Variants in FSTL4 observed in about 807,000 individuals in gnomAD.
FSTL4 encodes follistatin like 4.
In FSTL4, 28 loss-of-function variants were observed where a neutral mutation model predicts 78.2. The observed-to-expected ratio is 0.36, with a 90% confidence interval of 0.27 to 0.49. The LOEUF (loss-of-function observed/expected upper bound fraction) is 0.49. Ranked by LOEUF, FSTL4 falls within the 20% of genes least tolerant of loss-of-function variation. FSTL4 has a pLI of 0.98. For missense variants in FSTL4, 922 were observed against 1,084.9 expected, an observed-to-expected ratio of 0.85 and a Z score of 2.11; for synonymous variants, 422 against 440.5, an observed-to-expected ratio of 0.96 and a Z score of 0.53.
chr5:133,318,047 A>G (rs143038148), intron 4 of FSTL4, among the ~76,000 whole-genome samples: 1,614 of 151,940 alleles, frequency 0.011, 14 homozygotes, highest in Admixed American at 0.027. Context: ...GTATTTCCAG[A>G]TTTTCTTCCA....
chr5:133,295,822 G>A (rs1279021328), intron 6 of FSTL4, among the ~76,000 whole-genome samples: 1 of 151,976 alleles, frequency 6.6e-6, no homozygotes, highest in East Asian at 1.9e-4. Context: ...TTCTCTTTTG[G>A]GGCTCCCACT....
intron 3 of FSTL4, among the ~76,000 whole-genome samples, chr5:133,510,923 A>G (rs1244492006): frequency 6.6e-6 from 1 of 152,144 alleles, no homozygotes; most frequent in Admixed American, 6.5e-5. Flanking sequence ...CTCTCGCTCA[A>G]AAAGGGTTTC....
chr5:133,408,393 A>G (rs1756408791), intron 3 of FSTL4, among the ~76,000 whole-genome samples: 1 of 152,154 alleles, frequency 6.6e-6, no homozygotes, highest in African/African-American at 2.4e-5. Context: ...AAAAGACCCC[A>G]GAAAGGCAGG....
At chr5:133,452,492 T>C (rs1018370677) in intron 3 of FSTL4, among the ~76,000 whole-genome samples, 1 of 152,250 alleles carries the variant, frequency 6.6e-6, no homozygotes, top group Non-Finnish European at 1.5e-5. Flanking sequence ...AAATGGAAAT[T>C]CCTCCAGAAA....
At chr5:133,822,996 G>A in the FSTL4 span, among the ~76,000 whole-genome samples, 1 of 152,168 alleles carries the variant, frequency 6.6e-6, no homozygotes, top group Non-Finnish European at 1.5e-5. Context: ...GGGGCAGGAG[G>A]TGGGGTTGGG....
chr5:133,388,946 C>T (rs1755773031), intron 4 of FSTL4, among the ~76,000 whole-genome samples: 1 of 151,916 alleles, frequency 6.6e-6, no homozygotes, highest in South Asian at 2.1e-4. Flanking sequence ...TTAATCTTTC[C>T]TTTGACTGCT....
the FSTL4 span, among the ~76,000 whole-genome samples, chr5:133,728,629 G>C: frequency 6.6e-4 from 100 of 152,330 alleles, no homozygotes; most frequent in East Asian, 0.018. Context: ...ACTGGAATCA[G>C]CCTGCATGAA....
intron 1 of FSTL4, among the ~76,000 whole-genome samples, chr5:133,607,340 T>C (rs928946528): frequency 5.9e-5 from 9 of 152,250 alleles, no homozygotes; most frequent in African/African-American, 2.2e-4. Context: ...ATCTGTCTAA[T>C]AATCAAATAG....
In FSTL4 at chr5:133,199,393, G is replaced by T. The variant is rs930389211; in HGVS notation, c.2231C>A (p.Thr744Asn). 6.2e-7 allele frequency: 1 copy of T among 1,614,214 alleles called. No individual in the cohort carries two copies. The highest frequency in any genetic ancestry group is 8.5e-7 in the Non-Finnish European group (1 of 1,180,044). Residue 744 changes from threonine to asparagine, a missense_variant, in exon 16 of 16, where the codon ACT becomes AAT. By Grantham distance (65) the Thr-to-Asn change is moderately conservative. Transcript: ENST00000265342. The surrounding 1 kb of genome is among the most constrained non-coding windows in gnomAD (Gnocchi z 4.4). ...ISDLAFQRSF[T>N]ESNQYNIYAA... ...GTAGATGTTGTATTGATTGCTTTCA[G>T]TGAAGGAGCGCTGGAAGGCCAAGTC...
At chr5:133,559,964 G>A (rs1266064468) in intron 3 of FSTL4, among the ~76,000 whole-genome samples, 1 of 152,190 alleles carries the variant, frequency 6.6e-6, no homozygotes, top group Non-Finnish European at 1.5e-5. Context: ...TCTGACCTTT[G>A]TGAGAAACGG....
the FSTL4 span, among the ~76,000 whole-genome samples, chr5:133,799,797 AT>A: frequency 7.2e-6 from 1 of 139,048 alleles, no homozygotes; most frequent in Admixed American, 7.4e-5. Flanking sequence ...GCACCACACT[AT>A]TTATCCTCCT....
the FSTL4 span, among the ~76,000 whole-genome samples, chr5:133,801,795 A>G: frequency 6.6e-6 from 1 of 152,366 alleles, no homozygotes; most frequent in African/African-American, 2.4e-5. Context: ...TGAGGGCTCT[A>G]GTGGGACAGA....
chr5:133,255,571 ACTCTGGT>A (rs1364282695), intron 6 of FSTL4, among the ~76,000 whole-genome samples: 3 of 152,174 alleles, frequency 2.0e-5, no homozygotes, highest in African/African-American at 4.8e-5. Flanking sequence ...GCTGTCTGGC[ACTCTGGT>A]GCCTAGCACA....
chr5:133,570,082 G>A (rs916535491), intron 2 of FSTL4, among the ~76,000 whole-genome samples: 34 of 151,492 alleles, frequency 2.2e-4, no homozygotes, highest in Non-Finnish European at 1.3e-4. Context: ...GGTGGTGGGC[G>A]CCTGTAGTCC....
At chr5:133,277,124 C>T (rs1390223421) in intron 6 of FSTL4, among the ~76,000 whole-genome samples, 1 of 152,056 alleles carries the variant, frequency 6.6e-6, no homozygotes, top group African/African-American at 2.4e-5. Context: ...TCAGCCTGGC[C>T]AACATGGTGA....
In FSTL4 at chr5:133,225,919, A is replaced by G; in HGVS notation, c.1016-100T>C. 1.2e-6 allele frequency: 1 copy of G among 837,460 alleles called. No individual in the cohort carries two copies. The highest frequency in any genetic ancestry group is 3.8e-4 in the Middle Eastern group (1 of 2,626). The allele number at this position is 837,460 out of a possible 1,614,324, so 51.9% of individuals were successfully genotyped here. On this transcript the variant is annotated intron_variant, in intron 8 of 15. Transcript: ENST00000265342. This position sits in a 1 kb window ranked among gnomAD's most constrained non-coding sequence, Gnocchi z 4.6. ...CCCTGCTCCAGAGGGGGTGAACCCA[A>G]GTAGGTGACTGGAGTTCTGTGTTTA...
At chr5:133,401,212 T>C (rs1756216662) in intron 3 of FSTL4, among the ~76,000 whole-genome samples, 2 of 152,256 alleles carry the variant, frequency 1.3e-5, no homozygotes, top group African/African-American at 4.8e-5. Context: ...GTTTCATGGC[T>C]GACTCACTCT....
Position 133,210,225 on chromosome 5 carries a change from C to A in FSTL4, c.1682G>T (p.Trp561Leu). 1.2e-6 allele frequency: 2 copies of A among 1,612,138 alleles called. No individual in the cohort carries two copies. Among genetic ancestry groups the A allele is most frequent in the South Asian group, 1.1e-5 (1 of 91,024 alleles). The change falls in exon 14 of 16, where the codon TGG becomes TTG. Residue 561 changes from tryptophan to leucine, a missense_variant. Transcript: ENST00000265342. ...KSHDQVWVLS[W>L]GDVHKSRPSL... ...TGGTCGGGACTTGTGCACGTCCCCC[C>A]AGCTCAGGACCCACACTTGGTCATG...
chr5:133,408,661 G>C (rs1399604990), intron 3 of FSTL4, among the ~76,000 whole-genome samples: 2 of 152,130 alleles, frequency 1.3e-5, no homozygotes, highest in Non-Finnish European at 2.9e-5. Context: ...AAGTAACACA[G>C]TAACACAGTA....
Sources: allele counts gnomAD v4.1 joint callset (sites outside exome capture counted in the v4.1 genomes callset), GRCh38; gene constraint gnomAD v4.1.1; non-coding constraint Gnocchi (gnomAD v3.1); transcripts MANE v1.5; gene names NCBI Gene and HGNC (gene_info 2026-07-23, HGNC 2026-07-21).